MAN1A2: variants seen among roughly 807,000 people sequenced by gnomAD.
The protein encoded by MAN1A2 is mannosidase alpha class 1A member 2, also known as mannosyl-oligosaccharide 1,2-alpha-mannosidase IB.
In MAN1A2, 26 loss-of-function variants were observed where a neutral mutation model predicts 75.7. The observed-to-expected ratio is 0.34, with a 90% CI of 0.25 to 0.48. The LOEUF is 0.48. Among genes scored for constraint, MAN1A2 ranks in the 20% least tolerant of loss-of-function variants. The pLI, the probability that MAN1A2 is intolerant of heterozygous loss-of-function variation, is 0.99. For missense variants in MAN1A2, 562 were observed against 775.5 expected (o/e 0.72, Z 3.27); for synonymous variants, 247 against 264.6 (o/e 0.93, Z 0.65).
chr1:117,394,903 A>T (rs879938575), intron 1 of MAN1A2, among the ~76,000 whole-genome samples: 5 of 152,196 alleles, frequency 3.3e-5, no homozygotes. Flanking sequence ...GTGAAACTTC[A>T]TATTTGTAAG....
chr1:117,378,033 C>A (rs897897945), intron 1 of MAN1A2, among the ~76,000 whole-genome samples: 5 of 152,108 alleles, frequency 3.3e-5, no homozygotes, highest in African/African-American at 1.2e-4. Context: ...ACCTGGGAGG[C>A]AGAGCTTGCA....
intron 4 of MAN1A2, among the ~76,000 whole-genome samples, chr1:117,416,261 C>G (rs1371881021): frequency 6.6e-6 from 1 of 151,930 alleles, no homozygotes; most frequent in Admixed American, 6.6e-5. Flanking sequence ...TTTTCTTTAT[C>G]CATATGTCAA....
intron 12 of MAN1A2, among the ~76,000 whole-genome samples, chr1:117,505,004 T>A (rs149151943): frequency 2.4e-4 from 36 of 151,626 alleles, no homozygotes; most frequent in African/African-American, 8.7e-4. Context: ...GTAAACAATC[T>A]TTTTTCTTTT....
At chr1:117,459,093 C>T (rs768880493) in intron 6 of MAN1A2, among the ~76,000 whole-genome samples, 6 of 152,152 alleles carry the variant, frequency 3.9e-5, no homozygotes, top group Non-Finnish European at 5.9e-5. Context: ...GCCATATAAA[C>T]ATTGGCTTTT....
chr1:117,387,051 A>G (rs894673106), intron 1 of MAN1A2, among the ~76,000 whole-genome samples: 1 of 152,012 alleles, frequency 6.6e-6, no homozygotes, highest in African/African-American at 2.4e-5. Flanking sequence ...ACAACAAAAA[A>G]CCTGGTTTAA....
chr1:117,407,639 A>C (rs1354743301), intron 3 of MAN1A2, among the ~76,000 whole-genome samples: 1 of 152,180 alleles, frequency 6.6e-6, no homozygotes, highest in Admixed American at 6.5e-5. Flanking sequence ...ACTTCTGTCT[A>C]GTTAGTTCTT....
At chr1:117,490,531 G>A (rs925940721) in intron 8 of MAN1A2, among the ~76,000 whole-genome samples, 12 of 152,040 alleles carry the variant, frequency 7.9e-5, no homozygotes, top group Admixed American at 4.6e-4. Flanking sequence ...TTCTTTGAAA[G>A]ACAACAATAT....
chr1:117,410,160 TTTCCG>T (rs1192733665), intron 3 of MAN1A2, among the ~76,000 whole-genome samples: 1 of 152,006 alleles, frequency 6.6e-6, no homozygotes, highest in African/African-American at 2.4e-5. Flanking sequence ...CCCCAAATAT[TTTCCG>T]TCTACCGTTG....
intron 3 of MAN1A2, among the ~76,000 whole-genome samples, chr1:117,406,732 C>T (rs1260881588): frequency 6.6e-6 from 1 of 152,050 alleles, no homozygotes; most frequent in African/African-American, 2.4e-5. Flanking sequence ...GAGTTTTGGA[C>T]TGGAAAGTTC....
intron 4 of MAN1A2, among the ~76,000 whole-genome samples, chr1:117,418,574 G>A (rs1413976936): frequency 1.3e-5 from 2 of 151,856 alleles, no homozygotes; most frequent in Non-Finnish European, 2.9e-5. Flanking sequence ...TTTTTCCCTT[G>A]TTTTAATATT....
chr1:117,508,817 C>A (rs555469572), intron 12 of MAN1A2, among the ~76,000 whole-genome samples: 1 of 151,512 alleles, frequency 6.6e-6, no homozygotes, highest in South Asian at 2.1e-4. Context: ...TCAACAATAT[C>A]AAAATGTGAA....
At chr1:117,385,941 G>A (rs991170252) in intron 1 of MAN1A2, among the ~76,000 whole-genome samples, 2 of 152,176 alleles carry the variant, frequency 1.3e-5, no homozygotes, top group South Asian at 2.1e-4. Flanking sequence ...TACTGGATGT[G>A]TCTGCTTCCA....
At chr1:117,456,698 C>T (rs1403822504) in intron 6 of MAN1A2, among the ~76,000 whole-genome samples, 1 of 151,804 alleles carries the variant, frequency 6.6e-6, no homozygotes, top group Non-Finnish European at 1.5e-5. Context: ...TATTTCAGAC[C>T]AGATATTTTT....
chr1:117,367,791 T>C lies in MAN1A2; in HGVS notation c.-393T>C, dbSNP rs1290171348. The C allele has an allele frequency of 5.7e-6, 1 of 176,132 alleles. No homozygotes were observed. The highest frequency in any genetic ancestry group is 1.6e-4 in the East Asian group (1 of 6,126). The allele number at this position is 176,132 out of a possible 1,614,324, so 10.9% of individuals were successfully genotyped here. On this transcript the variant is annotated 5_prime_UTR_variant, in exon 1 of 13. Transcript: ENST00000356554. The stretch of plus-strand genomic sequence containing the variant: ...TGAACCTTCTACAACTCCTCGGATG[T>C]CGCCAGTCTCCCTTTCGGGGCGGAA...
At chr1:117,379,732 C>A (rs965094121) in intron 1 of MAN1A2, among the ~76,000 whole-genome samples, 7 of 152,152 alleles carry the variant, frequency 4.6e-5, no homozygotes, top group African/African-American at 1.7e-4. Context: ...ATCATGCAAT[C>A]TAAGACCTTT....
chr1:117,519,876 A>G (rs1651820466), intron 12 of MAN1A2, among the ~76,000 whole-genome samples: 1 of 152,034 alleles, frequency 6.6e-6, no homozygotes, highest in African/African-American at 2.4e-5. Context: ...GACATACCCA[A>G]AAAAGAAAAC....
At chr1:117,408,228 AT>A (rs1647676868) in intron 3 of MAN1A2, among the ~76,000 whole-genome samples, 1 of 151,556 alleles carries the variant, frequency 6.6e-6, no homozygotes, top group African/African-American at 2.4e-5. Context: ...ATGGGGCACC[AT>A]GATCATGATG....
At chr1:117,388,237 A>G (rs549285138) in intron 1 of MAN1A2, among the ~76,000 whole-genome samples, 1 of 152,304 alleles carries the variant, frequency 6.6e-6, no homozygotes, top group African/African-American at 2.4e-5. Flanking sequence ...TCAAAGCCTG[A>G]AAATGGGATG....
chr1:117,386,677 C>T (rs1435154065), intron 1 of MAN1A2, among the ~76,000 whole-genome samples: 1 of 92,382 alleles, frequency 1.1e-5, no homozygotes, highest in Non-Finnish European at 2.3e-5. Flanking sequence ...TTTCAAGCTC[C>T]AAAAATGTTA....
Sources: gnomAD v4.1 joint callset for allele counts (sites outside exome capture counted in the v4.1 genomes callset) on GRCh38, gnomAD v4.1.1 for gene constraint, MANE v1.5 for transcripts, NCBI Gene and HGNC (gene_info 2026-07-23, HGNC 2026-07-21) for gene names.